Variants in MBD5 observed in about 807,000 individuals in gnomAD.
MBD5 encodes the protein methyl-CpG binding domain protein 5.
Under a neutral mutation model 117.3 loss-of-function variants are expected in MBD5, and 13 were observed. The ratio of observed to expected loss-of-function variants is 0.11; its 90% confidence interval spans 0.07 to 0.18. The LOEUF is 0.18. Among genes scored for constraint, MBD5 ranks in the 10% least tolerant of loss-of-function variants. The pLI is 1.00. For missense variants in MBD5, 1,879 were observed against 2,093.8 expected (o/e 0.90, Z 2.00); for synonymous variants, 727 against 766.4 (o/e 0.95, Z 0.85).
chr2:148,503,588 T>C (rs1166388124), intron 12 of MBD5, among the ~76,000 whole-genome samples: 1 of 152,222 alleles, frequency 6.6e-6, no homozygotes, highest in East Asian at 1.9e-4. Flanking sequence ...CAATAAAAGG[T>C]ATCTGAAAAG....
intron 4 of MBD5, chr2:148,346,534 A>T (rs1336804383): frequency 6.6e-6 from 1 of 151,980 alleles, no homozygotes; most frequent in Non-Finnish European, 1.5e-5. Context: ...TGATACAATA[A>T]AAGTATATGG....
chr2:148,320,811 T>G (rs944965253), intron 3 of MBD5, among the ~76,000 whole-genome samples: 1 of 152,230 alleles, frequency 6.6e-6, no homozygotes, highest in African/African-American at 2.4e-5. Flanking sequence ...CATAATAGTT[T>G]GATAATCTTT....
chr2:148,110,857 T>C (rs1223095931), intron 1 of MBD5, among the ~76,000 whole-genome samples: 2 of 152,030 alleles, frequency 1.3e-5, no homozygotes, highest in East Asian at 3.9e-4. Flanking sequence ...TAACCCTCTT[T>C]TTATAAATTT....
At chr2:148,037,156 T>G (rs1694218609) in intron 1 of MBD5, among the ~76,000 whole-genome samples, 1 of 151,972 alleles carries the variant, frequency 6.6e-6, no homozygotes, top group Non-Finnish European at 1.5e-5. Flanking sequence ...AAACACTTAA[T>G]GGAGATTTTT....
intron 1 of MBD5, among the ~76,000 whole-genome samples, chr2:148,177,873 T>C (rs1029829765): frequency 2.6e-5 from 4 of 152,230 alleles, no homozygotes; most frequent in East Asian, 1.9e-4. Context: ...AAATCATTTA[T>C]GTTTGGCTTG....
chr2:148,378,992 T>C (rs1211675741), intron 4 of MBD5, among the ~76,000 whole-genome samples: 1 of 151,882 alleles, frequency 6.6e-6, no homozygotes, highest in Non-Finnish European at 1.5e-5. Context: ...GAAAACTACA[T>C]GAAATATATG....
intron 3 of MBD5, among the ~76,000 whole-genome samples, chr2:148,239,029 C>CACAT (rs71848682): frequency 6.6e-6 from 1 of 150,620 alleles, no homozygotes; most frequent in Admixed American, 6.6e-5. Flanking sequence ...TACACACACA[C>CACAT]ACGTGTGTGT....
rs140843575 is a variant in MBD5 at position 148,414,407 on chromosome 2, G to A, written c.-556-43796G>A. ...ATGTGCAGTCAGTTTTAGAGTTTGT[G>A]CCATGTGCATATGAGAAGAATGTAT... On this transcript the variant is annotated intron_variant, in intron 4 of 13. Coordinates refer to ENST00000642680, the MANE Select transcript of MBD5 (RefSeq NM_001378120.1). 2.6e-3 allele frequency among the ~76,000 whole-genome samples: 395 copies of A among 152,244 alleles called. 1 individual carries two copies. The highest frequency in any genetic ancestry group is 9.1e-3 in the African/African-American group (380 of 41,542).
intron 3 of MBD5, chr2:148,330,747 A>G (rs966178040): frequency 6.6e-6 from 1 of 152,198 alleles, no homozygotes; most frequent in Admixed American, 6.5e-5. Flanking sequence ...AGGAGTAGGA[A>G]GAGGTGCAGT....
rs1471948090 is a variant in MBD5, at chr2:148,292,215, G to C, written c.-679-49999G>C. Among the ~76,000 whole-genome samples, 3 of 152,132 alleles carry C rather than the reference G, an allele frequency of 2.0e-5. No homozygotes were observed. In the East Asian group the frequency reaches 5.8e-4, roughly 29 times the overall value. ...GCAGCCAAAGCAAAAATGGACAAGT[G>C]GGATCACATTAAGTTAAAAAGCCTC... On this transcript the variant is annotated intron_variant, in intron 3 of 13. Coordinates refer to ENST00000642680, the MANE Select transcript of MBD5 (RefSeq NM_001378120.1).
chr2:148,220,631 C>T (rs1392671663), intron 2 of MBD5, among the ~76,000 whole-genome samples: 8 of 151,820 alleles, frequency 5.3e-5, no homozygotes, highest in Non-Finnish European at 1.2e-4. Flanking sequence ...TTGTGGGTAC[C>T]TATGTGTATA....
At chr2:148,157,562 A>G (rs766880526) in intron 1 of MBD5, among the ~76,000 whole-genome samples, 5 of 152,198 alleles carry the variant, frequency 3.3e-5, no homozygotes, top group African/African-American at 1.2e-4. Context: ...AGCATCCGCC[A>G]TAAAAACTAC....
At chr2:148,031,984 CT>C (rs369362962) in intron 1 of MBD5, among the ~76,000 whole-genome samples, 21 of 152,196 alleles carry the variant, frequency 1.4e-4, no homozygotes, top group African/African-American at 5.1e-4. Flanking sequence ...CCAGGTACCC[CT>C]ATGATGTAAA....
intron 2 of MBD5, among the ~76,000 whole-genome samples, chr2:148,212,748 G>A (rs903243831): frequency 6.6e-6 from 1 of 152,114 alleles, no homozygotes; most frequent in Non-Finnish European, 1.5e-5. Context: ...AGAGGATTTG[G>A]TCATCTCTAG....
intron 3 of MBD5, among the ~76,000 whole-genome samples, chr2:148,328,045 G>C (rs1225663027): frequency 2.6e-5 from 4 of 152,090 alleles, no homozygotes; most frequent in Admixed American, 2.6e-4. Context: ...CTGTTTGTTA[G>C]TTTCCCTTCT....
intron 3 of MBD5, among the ~76,000 whole-genome samples, chr2:148,301,737 G>C (rs954320202): frequency 6.6e-6 from 1 of 152,106 alleles, no homozygotes; most frequent in Non-Finnish European, 1.5e-5. Flanking sequence ...ATTTGCTGGA[G>C]TTGTACACGT....
rs575667452 is a variant in MBD5, at chr2:148,500,276, ATGTG to A, written c.4963-2154_4963-2151del. 1.6e-3 allele frequency among the ~76,000 whole-genome samples: 245 copies of A among 151,996 alleles called. 2 individuals carry two copies. Among genetic ancestry groups the A allele is most frequent in the African/African-American group, 5.8e-3 (241 of 41,490 alleles). ...GTGCCTGTGTGTGTGTATTTTATAT[ATGTG>A]TGTGTAATTTTATATATATAAATGC... On this transcript the variant is annotated intron_variant, in intron 11 of 13. Coordinates refer to ENST00000642680, the MANE Select transcript of MBD5 (RefSeq NM_001378120.1).
intron 4 of MBD5, among the ~76,000 whole-genome samples, chr2:148,410,275 A>T (rs1438348425): frequency 6.6e-6 from 1 of 152,126 alleles, no homozygotes; most frequent in Non-Finnish European, 1.5e-5. Flanking sequence ...TGTATTTTGC[A>T]TTTTATGATT....
rs969901561 is a variant in MBD5, at chr2:148,515,548, C to T, written c.*2607C>T. 3.3e-5 allele frequency: 5 copies of T among 152,116 alleles called. No individual in the cohort carries two copies. The highest frequency in any genetic ancestry group is 7.2e-5 in the African/African-American group (3 of 41,420). The allele number at this position is 152,116 out of a possible 1,614,324, so 9.4% of individuals were successfully genotyped here. A position where few individuals can be genotyped will look rare whatever the true frequency, so the allele number is the denominator to read the frequency against. On this transcript the variant is annotated 3_prime_UTR_variant, in exon 14 of 14. Coordinates refer to ENST00000642680, the MANE Select transcript of MBD5 (RefSeq NM_001378120.1). ...CTTTACAATTAAAAAATTGGTCACT[C>T]GCACTTCAATTTTGCCCATAGAGCC...
Sources: allele counts gnomAD v4.1 joint callset (sites outside exome capture counted in the v4.1 genomes callset), GRCh38; gene constraint gnomAD v4.1.1; transcripts MANE v1.5; gene names NCBI Gene and HGNC (gene_info 2026-07-23, HGNC 2026-07-21).